The following CD58 variants were observed in gnomAD, a reference collection of about 807,000 sequenced individuals.
The protein encoded by CD58 is CD58 molecule.
A neutral mutation model predicts 27.6 loss-of-function variants in CD58; 14 were observed. The ratio of observed to expected loss-of-function variants is 0.51; its 90% CI spans 0.34 to 0.79. CD58 has a LOEUF of 0.79. Among genes scored for constraint, CD58 ranks in the 30% least tolerant of loss-of-function variants. The pLI, the probability that CD58 is intolerant of heterozygous loss-of-function variation, is 0.02. For missense variants in CD58, 268 were observed against 301.7 expected (o/e 0.89, Z 0.83); for synonymous variants, 117 against 103.8 (o/e 1.13, Z -0.77).
rs1418913845 is a variant in CD58 at position 116,563,845 on chromosome 1, T to G, written c.70+7058A>C. The stretch of plus-strand genomic sequence containing the variant: ...TGCCATGAAGGTTTCTGATATGCCC[T>G]GGAGACATTTTCCCCATTGTCTTCG... On this transcript the variant is annotated intron_variant, in intron 1 of 5. Transcript: ENST00000369489. This position sits in a 1 kb window ranked among gnomAD's most constrained non-coding sequence, Gnocchi z 4.1. Among the ~76,000 whole-genome samples the G allele has an allele frequency of 2.6e-5, 4 of 152,250 alleles. No individual in the cohort carries two copies. Among genetic ancestry groups the G allele is most frequent in the African/African-American group, 9.6e-5 (4 of 41,460 alleles).
intron 4 of CD58, among the ~76,000 whole-genome samples, chr1:116,520,911 T>C (rs890501510): frequency 6.6e-6 from 1 of 152,178 alleles, no homozygotes; most frequent in African/African-American, 2.4e-5. Context: ...AGCACTGATA[T>C]CGCAAAATAG....
At position 116,541,104 on chromosome 1, in the gene CD58, C is replaced by T. The variant is rs889284458; in HGVS notation, c.364+3207G>A. On this transcript the variant is annotated intron_variant, in intron 2 of 5. Transcript: ENST00000369489. This position sits in a 1 kb window ranked among gnomAD's most constrained non-coding sequence, Gnocchi z 5.3. ...GATTATAGCCTTGAGCCACAATGCC[C>T]GGCCTAGAATATTTTAAATTATTTT... Among the ~76,000 whole-genome samples the T allele has an allele frequency of 7.2e-5, 11 of 152,222 alleles. No individual in the cohort carries two copies. Among genetic ancestry groups the T allele is most frequent in the Middle Eastern group, 3.4e-3 (1 of 292 alleles).
chr1:116,526,154 C>T (rs1657425815), intron 3 of CD58, among the ~76,000 whole-genome samples: 1 of 152,194 alleles, frequency 6.6e-6, no homozygotes, highest in African/African-American at 2.4e-5. Context: ...CTTGGCTTCT[C>T]ATTCTCTTGA....
chr1:116,521,744 A>T lies in CD58; in HGVS notation c.706+162T>A, dbSNP rs568532208. Reference sequence around the variant, plus strand: ...TTGAGATAATGTGGATCTTTGGAGGAACCTAGCATGCTCAGCAGTCCCACA... The same window carrying T: ...TTGAGATAATGTGGATCTTTGGAGGTACCTAGCATGCTCAGCAGTCCCACA... On this transcript the variant is annotated intron_variant, in intron 4 of 5. Transcript: ENST00000369489. This position sits in a 1 kb window ranked among gnomAD's most constrained non-coding sequence, Gnocchi z 5.6. The T allele has an allele frequency of 8.7e-6, 5 of 571,704 alleles. No homozygotes were observed. The highest frequency in any genetic ancestry group is 3.0e-5 in the Admixed American group (1 of 33,004). 35.4% of individuals were successfully genotyped at this position (571,704 alleles called of 1,614,324 possible).
At chr1:116,565,536 G>T (rs1038174929) in intron 1 of CD58, among the ~76,000 whole-genome samples, 1 of 152,086 alleles carries the variant, frequency 6.6e-6, no homozygotes, top group African/African-American at 2.4e-5. Flanking sequence ...CACCCTATGA[G>T]GGACTGTACA....
Position 116,552,839 on chromosome 1 carries a change from G to A in CD58, c.71-8235C>T, listed in dbSNP as rs1034977105. On this transcript the variant is annotated intron_variant, in intron 1 of 5. Coordinates refer to ENST00000369489, the MANE Select transcript of CD58 (RefSeq NM_001779.3). This position sits in a 1 kb window ranked among gnomAD's most constrained non-coding sequence, Gnocchi z 4.5. ...TTTATGGTTTCATATTTATGTGGGA[G>A]TAGAGTGGAGCTGGGAGTTGCTACA... 5.9e-5 allele frequency among the ~76,000 whole-genome samples: 9 copies of A among 152,166 alleles called. No individual in the cohort carries two copies. The highest frequency in any genetic ancestry group is 1.3e-4 in the Non-Finnish European group (9 of 68,044).
Position 116,533,808 on chromosome 1 carries a change from A to G in CD58, c.628+2157T>C, listed in dbSNP as rs1428305741. On this transcript the variant is annotated intron_variant, in intron 3 of 5. Transcript: ENST00000369489. ...CAAAGAGAGGCTGGTATAATGCTGC[A>G]TATTTTCTTTCCAAGTCATGAACTT... 7.9e-6 allele frequency: 6 copies of G among 758,174 alleles called. No homozygotes were observed. In the East Asian group the frequency reaches 1.0e-4, roughly 13 times the overall value. The allele number at this position is 758,174 out of a possible 1,614,324, so 47.0% of individuals were successfully genotyped here. A position where few individuals can be genotyped will look rare whatever the true frequency, so the allele number is the denominator to read the frequency against.
rs1007936243 is a variant in CD58, at chr1:116,546,384, C to A, written c.71-1780G>T. 6.6e-6 allele frequency among the ~76,000 whole-genome samples: 1 copy of A among 152,162 alleles called. No individual in the cohort carries two copies. The highest frequency in any genetic ancestry group is 1.5e-5 in the Non-Finnish European group (1 of 68,036). On this transcript the variant is annotated intron_variant, in intron 1 of 5. Coordinates refer to ENST00000369489, the MANE Select transcript of CD58 (RefSeq NM_001779.3). This position sits in a 1 kb window ranked among gnomAD's most constrained non-coding sequence, Gnocchi z 4.1. ...TTATCTACAAGGACTTTTTAGAACC[C>A]ATCTCCCTTAATTAAGGGGAACTGC...
intron 1 of CD58, among the ~76,000 whole-genome samples, chr1:116,560,996 A>G (rs1351169529): frequency 1.3e-5 from 2 of 152,196 alleles, no homozygotes; most frequent in Admixed American, 6.5e-5. Flanking sequence ...TAAAGCTTCA[A>G]AAAAGCTTAG....
At chr1:116,554,475 C>A (rs1658501094) in intron 1 of CD58, among the ~76,000 whole-genome samples, 1 of 151,988 alleles carries the variant, frequency 6.6e-6, no homozygotes, top group Admixed American at 6.5e-5. Flanking sequence ...CACTTGAGCC[C>A]AGGAGTTTGA....
chr1:116,566,541 T>A (rs886946046), intron 1 of CD58, among the ~76,000 whole-genome samples: 1 of 152,204 alleles, frequency 6.6e-6, no homozygotes. Flanking sequence ...GGGAACCTAA[T>A]GATTCGAAGG....
At chr1:116,564,360 C>T (rs909576347) in intron 1 of CD58, among the ~76,000 whole-genome samples, 2 of 152,196 alleles carry the variant, frequency 1.3e-5, no homozygotes, top group African/African-American at 4.8e-5. Flanking sequence ...CAAACTATTC[C>T]AATCCCTGCC....
In CD58 at chr1:116,535,991, A is replaced by G; in HGVS notation, c.602T>C (p.Ile201Thr). The G allele has an allele frequency of 6.2e-7, 1 of 1,610,824 alleles. No individual in the cohort carries two copies. Among genetic ancestry groups the G allele is most frequent in the Non-Finnish European group, 8.5e-7 (1 of 1,178,600 alleles). ...GCTGCTTGGGATACAGGTTGTCAAA[A>G]TGATTGATGATGTTGTATTAAATAA... ...NPLFNTTSSI[I>T]LTTCIPSSGH... Residue 201 changes from isoleucine to threonine, a missense_variant, in exon 3 of 6, where the codon ATT becomes ACT. Ile to Thr is a moderately conservative substitution (Grantham distance 89, BLOSUM62 -1). Transcript: ENST00000369489.
chr1:116,556,325 T>C (rs920921126), intron 1 of CD58, among the ~76,000 whole-genome samples: 1 of 151,232 alleles, frequency 6.6e-6, no homozygotes, highest in Non-Finnish European at 1.5e-5. Context: ...TTTCTAACCT[T>C]ATTATTTTGC....
chr1:116,535,714 G>A lies in CD58; in HGVS notation c.628+251C>T, dbSNP rs886283991. 4.6e-5 allele frequency among the ~76,000 whole-genome samples: 6 copies of A among 129,948 alleles called. 1 individual carries two copies. In the East Asian group the frequency reaches 1.7e-3, roughly 38 times the overall value. The allele number at this position is 129,948 out of a possible 152,430, so 85.3% of individuals were successfully genotyped here. ...AAATTAGCCGGGCGTGGTGGCGGGC[G>A]CCTGTAGTCCCAGCTACTCGGGAGG... On this transcript the variant is annotated intron_variant, in intron 3 of 5. Transcript: ENST00000369489.
chr1:116,514,919 C>A (rs916015263), intron 5 of CD58, 97 bp from the exon 6 acceptor site: 5 of 823,354 alleles, frequency 6.1e-6, no homozygotes, highest in Non-Finnish European at 1.0e-5. Context: ...AGTGAATAGC[C>A]CTTTTGTAAT....
intron 1 of CD58, among the ~76,000 whole-genome samples, chr1:116,556,912 CA>C (rs1300366524): frequency 6.6e-6 from 1 of 152,202 alleles, no homozygotes. Context: ...AGAGGCCCAC[CA>C]TTGCCAGGTT....
Position 116,516,927 on chromosome 1 carries a change from C to T in CD58, c.744-2105G>A, listed in dbSNP as rs749167438. On this transcript the variant is annotated intron_variant, in intron 5 of 5. Coordinates refer to ENST00000369489, the MANE Select transcript of CD58 (RefSeq NM_001779.3). The surrounding 1 kb of genome is among the most constrained non-coding windows in gnomAD (Gnocchi z 6.1). Reference sequence around the variant, plus strand: ...CTGAATCCCACACAATGTCTAGCCTCGCTGGGTACTCTGACCCCCACCCTA... The same window carrying T: ...CTGAATCCCACACAATGTCTAGCCTTGCTGGGTACTCTGACCCCCACCCTA... Among the ~76,000 whole-genome samples, 1 of 152,166 alleles carries T rather than the reference C, an allele frequency of 6.6e-6. No homozygotes were observed. The highest frequency in any genetic ancestry group is 1.5e-5 in the Non-Finnish European group (1 of 68,032).
chr1:116,553,730 G>A (rs1658468008), intron 1 of CD58, among the ~76,000 whole-genome samples: 1 of 152,212 alleles, frequency 6.6e-6, no homozygotes, highest in East Asian at 1.9e-4. Flanking sequence ...AAAGGATACA[G>A]ATTTGGGAGT....
Sources: allele counts gnomAD v4.1 joint callset (sites outside exome capture counted in the v4.1 genomes callset), GRCh38; gene constraint gnomAD v4.1.1; non-coding constraint Gnocchi (gnomAD v3.1); transcripts MANE v1.5; gene names NCBI Gene and HGNC (gene_info 2026-07-23, HGNC 2026-07-21).